Variants in IGF2BP3 observed in about 807,000 individuals in gnomAD.
IGF2BP3 encodes insulin like growth factor 2 mRNA binding protein 3, also known as insulin-like growth factor 2 mRNA-binding protein 3.
IGF2BP3 carries 9 observed loss-of-function variants against 73.8 expected under a neutral mutation model. That is an observed-to-expected ratio of 0.12 (90% CI 0.07 to 0.21). The LOEUF (loss-of-function observed/expected upper bound fraction) is 0.21. IGF2BP3 is among the 10% of genes least tolerant of loss of function. IGF2BP3 has a pLI of 1.00. For synonymous variants in IGF2BP3, 258 were observed against 256.7 expected (o/e 1.01, Z -0.05); for missense variants, 542 against 714.0 (o/e 0.76, Z 2.75).
chr7:23,416,925 G>A (rs114462739), intron 3 of IGF2BP3, among the ~76,000 whole-genome samples: 1,692 of 152,176 alleles, frequency 0.011, 39 homozygotes, highest in African/African-American at 0.038. Flanking sequence ...CGTGGTTGGC[G>A]GATGCCTGTA....
At chr7:23,468,381 G>T in intron 2 of IGF2BP3, 101 bp downstream of exon 2, 1 of 1,194,878 alleles carries the variant, frequency 8.4e-7, no homozygotes, top group East Asian at 2.3e-5. Flanking sequence ...CACGCCACAC[G>T]GCAGGGGGTA....
intron 3 of IGF2BP3, among the ~76,000 whole-genome samples, chr7:23,367,153 A>T (rs1785398812): frequency 6.6e-6 from 1 of 151,948 alleles, no homozygotes. Context: ...TACTTTTTGT[A>T]TTATAGTAGA....
chr7:23,440,920 C>G (rs1787917615), intron 2 of IGF2BP3, among the ~76,000 whole-genome samples: 2 of 152,190 alleles, frequency 1.3e-5, no homozygotes, highest in African/African-American at 4.8e-5. Flanking sequence ...AATCCCTTCT[C>G]TATAGATTTA....
chr7:23,311,526 T>G lies in IGF2BP3; in HGVS notation c.*836A>C, dbSNP rs1429564537. ...CTATAAATGAAAGAATAAATGGTAG[T>G]GCTGCTCTCCAGATACTAGGCACTG... On this transcript the variant is annotated 3_prime_UTR_variant, in exon 15 of 15. Coordinates refer to ENST00000258729, the MANE Select transcript of IGF2BP3 (RefSeq NM_006547.3). 6.6e-6 allele frequency: 1 copy of G among 152,378 alleles called. No homozygotes were observed. The highest frequency in any genetic ancestry group is 1.5e-5 in the Non-Finnish European group (1 of 68,038). The allele number at this position is 152,378 out of a possible 1,614,324, so 9.4% of individuals were successfully genotyped here.
intron 2 of IGF2BP3, among the ~76,000 whole-genome samples, chr7:23,466,047 A>C (rs558033512): frequency 1.3e-4 from 19 of 149,058 alleles, no homozygotes; most frequent in African/African-American, 4.2e-4. Context: ...TTTGAGGTAG[A>C]GTTTCACGCT....
chr7:23,468,929 C>A (rs1788636150), intron 1 of IGF2BP3, among the ~76,000 whole-genome samples: 4 of 152,262 alleles, frequency 2.6e-5, no homozygotes, highest in African/African-American at 9.6e-5. Flanking sequence ...CAGGAGGGGG[C>A]GCCCTGGCCC....
intron 12 of IGF2BP3, 124 bp downstream of exon 12, chr7:23,317,515 G>T: frequency 1.4e-6 from 1 of 724,542 alleles, no homozygotes. Flanking sequence ...ATTCTACTCA[G>T]CTCTTAGATA....
At chr7:23,463,593 T>G (rs2128552081) in intron 2 of IGF2BP3, among the ~76,000 whole-genome samples, 1 of 152,348 alleles carries the variant, frequency 6.6e-6, no homozygotes, top group Middle Eastern at 3.4e-3. Flanking sequence ...TAATGGCATC[T>G]GGCCTGAAAA....
chr7:23,385,738 T>TA (rs1350542652), intron 3 of IGF2BP3, among the ~76,000 whole-genome samples: 1 of 149,942 alleles, frequency 6.7e-6, no homozygotes, highest in African/African-American at 2.4e-5. Context: ...TTTTTATTAT[T>TA]TTTTTTTTTA....
intron 3 of IGF2BP3, among the ~76,000 whole-genome samples, chr7:23,369,014 A>G (rs1785470078): frequency 6.6e-6 from 1 of 152,242 alleles, no homozygotes; most frequent in Admixed American, 6.5e-5. Flanking sequence ...AAGCAACTTT[A>G]CCAGGTAATG....
At chr7:23,451,517 C>T (rs551013281) in intron 2 of IGF2BP3, among the ~76,000 whole-genome samples, 9 of 149,800 alleles carry the variant, frequency 6.0e-5, no homozygotes, top group African/African-American at 2.0e-4. Context: ...TCGCTTGAAC[C>T]CAGGAGGTGG....
intron 5 of IGF2BP3, among the ~76,000 whole-genome samples, chr7:23,360,043 G>A (rs918197375): frequency 9.9e-5 from 15 of 151,470 alleles, no homozygotes; most frequent in Non-Finnish European, 2.2e-4. Context: ...TATGGGAGAA[G>A]TGAAAAACAC....
chr7:23,443,710 A>T (rs1381036033), intron 2 of IGF2BP3, among the ~76,000 whole-genome samples: 1 of 152,006 alleles, frequency 6.6e-6, no homozygotes, highest in Non-Finnish European at 1.5e-5. Flanking sequence ...TAAAAAATAA[A>T]ATATACAAGA....
intron 2 of IGF2BP3, among the ~76,000 whole-genome samples, chr7:23,438,618 A>T (rs916111261): frequency 6.6e-6 from 1 of 152,176 alleles, no homozygotes; most frequent in African/African-American, 2.4e-5. Flanking sequence ...CTCTATTTTT[A>T]AAAAATTTTT....
chr7:23,467,402 A>ATTTG (rs1788589323), intron 2 of IGF2BP3, among the ~76,000 whole-genome samples: 1 of 152,220 alleles, frequency 6.6e-6, no homozygotes, highest in African/African-American at 2.4e-5. Context: ...GATTTAAATT[A>ATTTG]ACTTTCAGCT....
chr7:23,448,833 T>C (rs939306002), intron 2 of IGF2BP3, among the ~76,000 whole-genome samples: 4 of 152,102 alleles, frequency 2.6e-5, no homozygotes, highest in African/African-American at 4.8e-5. Flanking sequence ...GGTTTCACCA[T>C]GTTGGTCAAG....
intron 3 of IGF2BP3, among the ~76,000 whole-genome samples, chr7:23,407,911 T>C (rs1251796994): frequency 8.4e-6 from 1 of 119,200 alleles, no homozygotes; most frequent in African/African-American, 3.3e-5. Flanking sequence ...GAGTTTATCA[T>C]AGGAATGCAG....
At chr7:23,439,876 A>G (rs1242618311) in intron 2 of IGF2BP3, among the ~76,000 whole-genome samples, 1 of 152,226 alleles carries the variant, frequency 6.6e-6, no homozygotes. Flanking sequence ...TACCTAGAGC[A>G]CATCTACCTG....
At chr7:23,317,897 A>G (rs1784034698) in intron 11 of IGF2BP3, 184 bp from the exon 12 acceptor site, 7 of 611,944 alleles carry the variant, frequency 1.1e-5, no homozygotes, top group South Asian at 7.4e-5. Flanking sequence ...TGCATATACT[A>G]TATGCTTATT....
Sources: allele counts gnomAD v4.1 joint callset (sites outside exome capture counted in the v4.1 genomes callset), GRCh38; gene constraint gnomAD v4.1.1; transcripts MANE v1.5; gene names NCBI Gene and HGNC (gene_info 2026-07-23, HGNC 2026-07-21).